Variants in LOC128092252 observed in about 807,000 individuals in gnomAD.
At chr15:50,663,539 G>A in the LOC128092252 span, among the ~76,000 whole-genome samples, 1 of 152,096 alleles carries the variant, frequency 6.6e-6, no homozygotes, top group Non-Finnish European at 1.5e-5. Context: ...AGTGACCTAG[G>A]TTATTAAATC....
the LOC128092252 span, among the ~76,000 whole-genome samples, chr15:50,650,097 G>A: frequency 6.7e-6 from 1 of 149,760 alleles, no homozygotes; most frequent in Non-Finnish European, 1.5e-5. Flanking sequence ...GGAGGCTGAG[G>A]CAGGAGAATC....
chr15:50,657,483 T>C, the LOC128092252 span, among the ~76,000 whole-genome samples: 1 of 152,138 alleles, frequency 6.6e-6, no homozygotes, highest in Non-Finnish European at 1.5e-5. Context: ...CATTCTGCAG[T>C]TTCCTGACAG....
At chr15:50,660,313 T>G in the LOC128092252 span, among the ~76,000 whole-genome samples, 18 of 152,068 alleles carry the variant, frequency 1.2e-4, no homozygotes, top group Non-Finnish European at 2.1e-4. Flanking sequence ...ATAAAATATT[T>G]TCTCAATAAT....
At chr15:50,657,624 C>T in the LOC128092252 span, among the ~76,000 whole-genome samples, 7 of 152,170 alleles carry the variant, frequency 4.6e-5, no homozygotes, top group Admixed American at 4.6e-4. Flanking sequence ...GAGTTTCAAA[C>T]AGCCTTGACT....
the LOC128092252 span, among the ~76,000 whole-genome samples, chr15:50,684,710 T>C: frequency 6.6e-6 from 1 of 152,076 alleles, no homozygotes; most frequent in Non-Finnish European, 1.5e-5. Context: ...CAGGGATGCA[T>C]TCAACAAAAT....
the LOC128092252 span, among the ~76,000 whole-genome samples, chr15:50,656,158 A>G: frequency 6.6e-6 from 1 of 151,826 alleles, no homozygotes; most frequent in South Asian, 2.1e-4. Context: ...TAGCTGCACT[A>G]TATGAAATGC....
chr15:50,666,884 A>T, the LOC128092252 span, among the ~76,000 whole-genome samples: 1 of 152,232 alleles, frequency 6.6e-6, no homozygotes, highest in Admixed American at 6.6e-5. Context: ...AAGATAAAGA[A>T]GAAAATAACA....
At chr15:50,679,551 T>TTTTG in the LOC128092252 span, among the ~76,000 whole-genome samples, 1 of 121,910 alleles carries the variant, frequency 8.2e-6, no homozygotes, top group Admixed American at 8.2e-5. Context: ...TTTTTTTTTT[T>TTTTG]TTGAGACAGA....
the LOC128092252 span, among the ~76,000 whole-genome samples, chr15:50,671,087 T>C: frequency 1.3e-5 from 2 of 152,198 alleles, no homozygotes; most frequent in African/African-American, 4.8e-5. Flanking sequence ...AATATACTCT[T>C]AGTATTTTTC....
the LOC128092252 span, among the ~76,000 whole-genome samples, chr15:50,667,381 T>C: frequency 6.6e-6 from 1 of 152,206 alleles, no homozygotes; most frequent in Non-Finnish European, 1.5e-5. Context: ...GTGTGTATGA[T>C]ATGAAAGAGC....
At chr15:50,665,019 CA>C in the LOC128092252 span, among the ~76,000 whole-genome samples, 2 of 152,144 alleles carry the variant, frequency 1.3e-5, no homozygotes, top group Non-Finnish European at 2.9e-5. Flanking sequence ...AACATGTTAA[CA>C]AGCTTCATTT....
the LOC128092252 span, among the ~76,000 whole-genome samples, chr15:50,660,975 T>C: frequency 6.6e-6 from 1 of 151,016 alleles, no homozygotes; most frequent in Non-Finnish European, 1.5e-5. Flanking sequence ...TTAACTACCA[T>C]TCCTTTTTTT....
chr15:50,655,239 C>A, the LOC128092252 span, among the ~76,000 whole-genome samples: 2 of 151,332 alleles, frequency 1.3e-5, no homozygotes, highest in Non-Finnish European at 1.5e-5. Flanking sequence ...TTCAAGACCA[C>A]CCTGACCATC....
chr15:50,660,008 G>A, the LOC128092252 span, among the ~76,000 whole-genome samples: 15 of 152,122 alleles, frequency 9.9e-5, no homozygotes, highest in South Asian at 6.2e-4. Context: ...CAATTTCTCC[G>A]GAAGAAAAAT....
the LOC128092252 span, among the ~76,000 whole-genome samples, chr15:50,684,936 A>G: frequency 6.6e-6 from 1 of 152,254 alleles, no homozygotes. Context: ...AATGATACTA[A>G]GCAATTATTA....
chr15:50,657,758 C>A, the LOC128092252 span: 10 of 1,602,768 alleles, frequency 6.2e-6, no homozygotes, highest in South Asian at 2.2e-5. Flanking sequence ...GAAATTTGTG[C>A]GGTATAGTTA....
chr15:50,658,926 C>T, the LOC128092252 span, among the ~76,000 whole-genome samples: 1 of 152,138 alleles, frequency 6.6e-6, no homozygotes. Context: ...TGGCCAGGCG[C>T]AGTGGCTCAC....
chr15:50,663,253 C>T, the LOC128092252 span, among the ~76,000 whole-genome samples: 1 of 152,182 alleles, frequency 6.6e-6, no homozygotes, highest in Non-Finnish European at 1.5e-5. Context: ...CTCAGCCTCC[C>T]GGGTAGCTGG....
chr15:50,681,946 C>T, the LOC128092252 span, among the ~76,000 whole-genome samples: 3 of 152,080 alleles, frequency 2.0e-5, no homozygotes, highest in African/African-American at 7.2e-5. Context: ...CTTTGGGAGG[C>T]TGAGGTGGAT....
Sources: allele counts gnomAD v4.1 joint callset (sites outside exome capture counted in the v4.1 genomes callset), GRCh38; gene constraint gnomAD v4.1.1; transcripts MANE v1.5.